NDUFA12: variants seen among roughly 807,000 people sequenced by gnomAD.
NDUFA12 encodes the protein NADH dehydrogenase [ubiquinone] 1 alpha subcomplex subunit 12.
Under a neutral mutation model 20.3 loss-of-function variants are expected in NDUFA12, and 17 were observed. The ratio of observed to expected loss-of-function variants is 0.84; its 90% CI spans 0.57 to 1.26. NDUFA12 has a LOEUF of 1.26. Ranked by LOEUF, NDUFA12 falls within the 50% of genes most tolerant of loss-of-function variation. The pLI, the probability that NDUFA12 is intolerant of heterozygous loss-of-function variation, is 0.00. For synonymous variants in NDUFA12, 72 were observed against 63.6 expected, an observed-to-expected ratio of 1.13 and a Z score of -0.63; for missense variants, 191 against 183.7, an observed-to-expected ratio of 1.04 and a Z score of -0.23.
chr12:94,988,987 C>T (rs1338510544), intron 3 of NDUFA12, among the ~76,000 whole-genome samples: 1 of 152,186 alleles, frequency 6.6e-6, no homozygotes, highest in African/African-American at 2.4e-5. Context: ...TCACTCATTC[C>T]ATTCCAGCCA....
chr12:94,974,635 C>G (rs1202837909), intron 3 of NDUFA12, among the ~76,000 whole-genome samples: 1 of 152,114 alleles, frequency 6.6e-6, no homozygotes, highest in African/African-American at 2.4e-5. Flanking sequence ...AAATGTGATA[C>G]TTAAATACAA....
At chr12:94,978,838 C>T (rs1874143505) in intron 3 of NDUFA12, among the ~76,000 whole-genome samples, 1 of 152,022 alleles carries the variant, frequency 6.6e-6, no homozygotes, top group African/African-American at 2.4e-5. Context: ...AATTTTAAAT[C>T]CAAATTGCCC....
At chr12:94,981,278 A>G (rs1442569819) in intron 3 of NDUFA12, among the ~76,000 whole-genome samples, 1 of 151,618 alleles carries the variant, frequency 6.6e-6, no homozygotes, top group Non-Finnish European at 1.5e-5. Context: ...AAATACATAC[A>G]TACATACATA....
At chr12:94,998,725 T>C (rs184537490) in intron 2 of NDUFA12, among the ~76,000 whole-genome samples, 7 of 152,208 alleles carry the variant, frequency 4.6e-5, no homozygotes, top group Admixed American at 2.0e-4. Flanking sequence ...TCCATCCCTT[T>C]TACACCAGCT....
In NDUFA12 at chr12:95,002,521, T is replaced by C. The variant is rs1290582930; in HGVS notation, c.169+218A>G. ...AAAATATATAACACTGTTTTTAAAG[T>C]TGCATTTCTGTTGTTACAAGTGAGA... is the stretch of plus-strand genomic sequence containing the variant. On this transcript the variant is annotated intron_variant, in intron 2 of 3. Coordinates refer to ENST00000327772, the MANE Select transcript of NDUFA12 (RefSeq NM_018838.5). Among the ~76,000 whole-genome samples, 9 of 151,746 alleles carry C rather than the reference T, an allele frequency of 5.9e-5. No individual in the cohort carries two copies. The South Asian group carries it at 1.0e-3, about 18-fold the overall frequency.
intron 3 of NDUFA12, among the ~76,000 whole-genome samples, chr12:94,981,448 A>T (rs1874238305): frequency 6.6e-6 from 1 of 152,232 alleles, no homozygotes; most frequent in Middle Eastern, 3.2e-3. Context: ...ACACTGCCTC[A>T]AAATAAAATA....
chr12:94,994,541 C>G (rs969715013), intron 2 of NDUFA12, among the ~76,000 whole-genome samples: 1 of 152,132 alleles, frequency 6.6e-6, no homozygotes. Context: ...CTGCCAGCTC[C>G]CCACAGAGGG....
chr12:94,978,425 G>GA (rs1197091564), intron 3 of NDUFA12, among the ~76,000 whole-genome samples: 1 of 152,224 alleles, frequency 6.6e-6, no homozygotes, highest in Non-Finnish European at 1.5e-5. Context: ...GGACATTAGA[G>GA]AATTAGACTG....
chr12:94,977,409 T>C (rs4923677), intron 3 of NDUFA12, among the ~76,000 whole-genome samples: 82,888 of 151,488 alleles, frequency 0.55, 23,233 homozygotes, highest in African/African-American at 0.67. Flanking sequence ...GATTTTGAGG[T>C]TGCAGTGAGT....
Position 95,001,725 on chromosome 12 carries a change from GA to G in NDUFA12, c.169+1013del, listed in dbSNP as rs554595168. ...ATTTGTAGAATTAATTCTTTTTTGA[GA>G]TAAGAGTCTCGCTCTGTTGCCAGAC... is the stretch of plus-strand genomic sequence containing the variant. On this transcript the variant is annotated intron_variant, in intron 2 of 3. Coordinates refer to ENST00000327772, the MANE Select transcript of NDUFA12 (RefSeq NM_018838.5). 1.5e-3 allele frequency among the ~76,000 whole-genome samples: 235 copies of G among 152,164 alleles called. 1 individual carries two copies. The South Asian group carries it at 0.027, about 17-fold the overall frequency.
intron 3 of NDUFA12, among the ~76,000 whole-genome samples, chr12:94,988,522 T>A (rs1204239397): frequency 2.0e-5 from 3 of 152,204 alleles, no homozygotes; most frequent in Non-Finnish European, 4.4e-5. Flanking sequence ...CCGAAGTATG[T>A]ACCATGGCTT....
At chr12:94,997,830 T>C (rs993882899) in intron 2 of NDUFA12, among the ~76,000 whole-genome samples, 1 of 152,104 alleles carries the variant, frequency 6.6e-6, no homozygotes. Flanking sequence ...ATAACAGCAG[T>C]CACAGTGCTA....
chr12:94,981,863 T>C (rs1489379267), intron 3 of NDUFA12, among the ~76,000 whole-genome samples: 5 of 152,224 alleles, frequency 3.3e-5, no homozygotes, highest in Non-Finnish European at 5.9e-5. Flanking sequence ...TGCACCACCA[T>C]CTTTTGTTTT....
At position 95,002,771 on chromosome 12, in the gene NDUFA12, T is replaced by C; in HGVS notation, c.137A>G (p.Asn46Ser). The change falls in exon 2 of 4, where the codon AAC becomes AGC. Residue 46 changes from asparagine to serine, a missense_variant. Coordinates refer to ENST00000327772, the MANE Select transcript of NDUFA12 (RefSeq NM_018838.5). ...TTGCTTGTTGTCTTCATAGTATTTG[T>C]TTCCATATTTGTCTTCCCCCACTAA... ...GTLVGEDKYG[N>S]KYYEDNKQFF... 1.2e-6 allele frequency: 2 copies of C among 1,614,124 alleles called. No individual in the cohort carries two copies. The highest frequency in any genetic ancestry group is 1.7e-6 in the Non-Finnish European group (2 of 1,180,006).
chr12:94,996,359 G>T (rs1874833083), intron 2 of NDUFA12, among the ~76,000 whole-genome samples: 1 of 90,870 alleles, frequency 1.1e-5, no homozygotes. Context: ...ACACACACAC[G>T]AGATGGGGGT....
chr12:95,003,200 G>C (rs1259092752), intron 1 of NDUFA12, among the ~76,000 whole-genome samples: 1 of 152,160 alleles, frequency 6.6e-6, no homozygotes, highest in Admixed American at 6.5e-5. Flanking sequence ...TGCTGCTCGT[G>C]GGATCAGTGA....
chr12:95,002,770 G>A lies in NDUFA12; in HGVS notation c.138C>T (p.Asn46=), dbSNP rs376930478. The A allele has an allele frequency of 1.2e-5, 19 of 1,613,858 alleles. No individual in the cohort carries two copies. In the African/African-American group the frequency reaches 2.3e-4, roughly 19 times the overall value. Residue 46 remains asparagine, a synonymous_variant, in exon 2 of 4, where the codon AAC becomes AAT. Coordinates refer to ENST00000327772, the MANE Select transcript of NDUFA12 (RefSeq NM_018838.5). ...GTLVGEDKYG[N]KYYEDNKQFF... ...ATTGCTTGTTGTCTTCATAGTATTT[G>A]TTTCCATATTTGTCTTCCCCCACTA...
chr12:94,978,091 A>G (rs1383763936), intron 3 of NDUFA12, among the ~76,000 whole-genome samples: 3 of 152,250 alleles, frequency 2.0e-5, no homozygotes, highest in African/African-American at 4.8e-5. Flanking sequence ...TGACTAGGAC[A>G]GTGCATGCAG....
chr12:94,977,715 ATG>A (rs1274202687), intron 3 of NDUFA12, among the ~76,000 whole-genome samples: 1 of 152,206 alleles, frequency 6.6e-6, no homozygotes, highest in African/African-American at 2.4e-5. Context: ...TAAAATGTAT[ATG>A]TACATCCATT....
Sources: allele counts gnomAD v4.1 joint callset (sites outside exome capture counted in the v4.1 genomes callset), GRCh38; gene constraint gnomAD v4.1.1; transcripts MANE v1.5; gene names NCBI Gene and HGNC (gene_info 2026-07-23, HGNC 2026-07-21).